CNTNAP5: variants seen among roughly 807,000 people sequenced by gnomAD.
CNTNAP5 encodes contactin associated protein family member 5.
In CNTNAP5, 72 loss-of-function variants were observed where a neutral mutation model predicts 150.2. The observed-to-expected ratio is 0.48, with a 90% CI of 0.40 to 0.58. The LOEUF (loss-of-function observed/expected upper bound fraction) is 0.58, where lower values mean the gene tolerates loss of function less well. Ranked by LOEUF, CNTNAP5 falls within the 20% of genes least tolerant of loss-of-function variation. The pLI is 0.00. For synonymous variants in CNTNAP5, 672 were observed against 619.8 expected (o/e 1.08, Z -1.25); for missense variants, 1,636 against 1,626.2 (o/e 1.01, Z -0.10).
intron 11 of CNTNAP5, among the ~76,000 whole-genome samples, chr2:124,564,218 T>G (rs1695959452): frequency 6.6e-6 from 1 of 152,066 alleles, no homozygotes; most frequent in Non-Finnish European, 1.5e-5. Flanking sequence ...TAGTTTCAGA[T>G]GGCTGGAGGG....
intron 3 of CNTNAP5, among the ~76,000 whole-genome samples, chr2:124,245,239 C>T (rs1213760171): frequency 6.6e-6 from 1 of 152,150 alleles, no homozygotes; most frequent in African/African-American, 2.4e-5. Flanking sequence ...ACCCTCTAGG[C>T]TTTCAGGGTG....
rs1012299758 is a variant in CNTNAP5, at chr2:124,917,314, T to C, written c.*3026T>C. 6.6e-6 allele frequency among the ~76,000 whole-genome samples: 1 copy of C among 152,200 alleles called. No individual in the cohort carries two copies. The highest frequency in any genetic ancestry group is 2.4e-5 in the African/African-American group (1 of 41,562). On this transcript the variant is annotated 3_prime_UTR_variant, in exon 24 of 24. Transcript: ENST00000682447. ...TTCACATTTTAATGGAGCTGTTTCA[T>C]TGATATTTTTTTCCACCAAACAAAT...
At chr2:124,814,098 T>C (rs544097801) in intron 19 of CNTNAP5, among the ~76,000 whole-genome samples, 4 of 152,140 alleles carry the variant, frequency 2.6e-5, no homozygotes, top group African/African-American at 9.6e-5. Context: ...GCTCTTGTTA[T>C]TCTCTGAAGT....
intron 14 of CNTNAP5, among the ~76,000 whole-genome samples, chr2:124,760,565 G>A (rs1287332369): frequency 1.3e-5 from 2 of 151,914 alleles, no homozygotes; most frequent in Admixed American, 6.6e-5. Flanking sequence ...CCTTGCTCTT[G>A]AGAATATTTA....
Position 124,766,794 on chromosome 2 carries a change from G to A in CNTNAP5, c.2533+2647G>A, listed in dbSNP as rs531452667. On this transcript the variant is annotated intron_variant, in intron 16 of 23. Transcript: ENST00000682447. The stretch of plus-strand genomic sequence containing the variant: ...TGACTGATGATTTAGTGTTAATTAC[G>A]TATCAATGTCCAGTTTGTTTGCACT... 9.9e-5 allele frequency among the ~76,000 whole-genome samples: 15 copies of A among 152,184 alleles called. 1 individual carries two copies. The highest frequency in any genetic ancestry group is 2.6e-4 in the African/African-American group (11 of 41,542).
At chr2:124,387,339 A>G (rs957561693) in intron 3 of CNTNAP5, among the ~76,000 whole-genome samples, 1 of 152,140 alleles carries the variant, frequency 6.6e-6, no homozygotes, top group African/African-American at 2.4e-5. Context: ...TTTGTCTCTG[A>G]GCTTATACTC....
intron 3 of CNTNAP5, among the ~76,000 whole-genome samples, chr2:124,366,874 C>T (rs1168144316): frequency 6.6e-6 from 1 of 152,056 alleles, no homozygotes; most frequent in East Asian, 1.9e-4. Flanking sequence ...TAACATTGGC[C>T]AAAGAGGTTC....
At chr2:124,572,862 G>A (rs17011723) in intron 11 of CNTNAP5, among the ~76,000 whole-genome samples, 26,985 of 152,134 alleles carry the variant, frequency 0.18, 3,536 homozygotes, top group East Asian at 0.61. Flanking sequence ...AAATCTGAGC[G>A]GACCTTTTGC....
chr2:124,397,360 C>T (rs992745719), intron 3 of CNTNAP5, among the ~76,000 whole-genome samples: 2 of 152,068 alleles, frequency 1.3e-5, no homozygotes, highest in African/African-American at 4.8e-5. Context: ...TTTCCTGGTG[C>T]GCAGGTGGCT....
At chr2:124,859,711 A>G (rs570716722) in intron 19 of CNTNAP5, among the ~76,000 whole-genome samples, 4 of 152,320 alleles carry the variant, frequency 2.6e-5, no homozygotes, top group East Asian at 1.9e-4. Context: ...CATATACACC[A>G]TGGAATACTA....
At chr2:124,092,672 T>TTAA (rs1369322515) in intron 1 of CNTNAP5, among the ~76,000 whole-genome samples, 1 of 152,206 alleles carries the variant, frequency 6.6e-6, no homozygotes, top group East Asian at 1.9e-4. Context: ...AGGAAGTAGT[T>TTAA]ATTTACCTAT....
At chr2:124,664,227 G>A (rs1234241057) in intron 13 of CNTNAP5, among the ~76,000 whole-genome samples, 3 of 151,612 alleles carry the variant, frequency 2.0e-5, no homozygotes, top group Non-Finnish European at 4.4e-5. Flanking sequence ...GGAGGCTGAG[G>A]TGGGATGACT....
chr2:124,914,710 T>C lies in CNTNAP5; in HGVS notation c.*422T>C, dbSNP rs537474936. Reference sequence around the variant, plus strand: ...TGACATCCTCCCCAGCTCAAGTCTATTCTTACCATAGAACCCAGGGCAGGG... The same window carrying C: ...TGACATCCTCCCCAGCTCAAGTCTACTCTTACCATAGAACCCAGGGCAGGG... On this transcript the variant is annotated 3_prime_UTR_variant, in exon 24 of 24. Coordinates refer to ENST00000682447, the MANE Select transcript of CNTNAP5 (RefSeq NM_001367498.1). 92 of 154,984 alleles carry C rather than the reference T, an allele frequency of 5.9e-4. No homozygotes were observed. The highest frequency in any genetic ancestry group is 2.0e-3 in the African/African-American group (83 of 41,618). The allele number at this position is 154,984 out of a possible 1,614,324, so 9.6% of individuals were successfully genotyped here. A position where few individuals can be genotyped will look rare whatever the true frequency, so the allele number is the denominator to read the frequency against.
chr2:124,405,076 A>T (rs1316411687), intron 3 of CNTNAP5, among the ~76,000 whole-genome samples: 1 of 152,130 alleles, frequency 6.6e-6, no homozygotes, highest in Admixed American at 6.6e-5. Flanking sequence ...AGAAAAATCA[A>T]ATTTCTGAGA....
At chr2:124,279,913 A>G (rs1023440360) in intron 3 of CNTNAP5, among the ~76,000 whole-genome samples, 3 of 152,080 alleles carry the variant, frequency 2.0e-5, no homozygotes, top group Non-Finnish European at 4.4e-5. Context: ...TGTCACCTAA[A>G]AAAAATAAAA....
intron 13 of CNTNAP5, among the ~76,000 whole-genome samples, chr2:124,695,287 C>G (rs557187232): frequency 1.3e-5 from 2 of 152,264 alleles, no homozygotes; most frequent in African/African-American, 4.8e-5. Flanking sequence ...TAAACAATCT[C>G]AAGATCACAG....
chr2:124,090,011 A>G (rs534218459), intron 1 of CNTNAP5, among the ~76,000 whole-genome samples: 9 of 152,372 alleles, frequency 5.9e-5, no homozygotes, highest in African/African-American at 2.2e-4. Flanking sequence ...GAAAGCACTG[A>G]ATCTTTCCAT....
At chr2:124,405,033 T>TG (rs200154635) in intron 3 of CNTNAP5, among the ~76,000 whole-genome samples, 1,937 of 106,354 alleles carry the variant, frequency 0.018, 30 homozygotes, top group African/African-American at 0.062. Context: ...CTTAAGGTTG[T>TG]GGGGGTGGCG....
At chr2:124,519,353 A>C (rs1183932658) in intron 8 of CNTNAP5, among the ~76,000 whole-genome samples, 1 of 152,240 alleles carries the variant, frequency 6.6e-6, no homozygotes, top group Non-Finnish European at 1.5e-5. Flanking sequence ...ATTTTATCTC[A>C]ATAAATCTGT....
Sources: gnomAD v4.1 joint callset for allele counts (sites outside exome capture counted in the v4.1 genomes callset) on GRCh38, gnomAD v4.1.1 for gene constraint, MANE v1.5 for transcripts, NCBI Gene and HGNC (gene_info 2026-07-23, HGNC 2026-07-21) for gene names.